GLCCI1: variants seen among roughly 807,000 people sequenced by gnomAD.
GLCCI1 encodes the protein glucocorticoid-induced transcript 1 protein.
Under a neutral mutation model 52.2 loss-of-function variants are expected in GLCCI1, and 24 were observed. The ratio of observed to expected loss-of-function variants is 0.46; its 90% CI spans 0.33 to 0.65. The LOEUF is 0.65. GLCCI1 is among the 30% of genes least tolerant of loss of function. The probability of loss-of-function intolerance (pLI) is 0.02; values close to 1 mark genes in which losing one functional copy is unlikely to be tolerated. For synonymous variants in GLCCI1, 310 were observed against 276.5 expected, an observed-to-expected ratio of 1.12 and a Z score of -1.20; for missense variants, 704 against 701.5, an observed-to-expected ratio of 1.00 and a Z score of -0.04.
intron 1 of GLCCI1, among the ~76,000 whole-genome samples, chr7:7,984,413 T>TC (rs1242131859): frequency 3.9e-5 from 6 of 152,182 alleles, no homozygotes; most frequent in Non-Finnish European, 5.9e-5. Context: ...GGTGGGCTCT[T>TC]CAAGTTAAAA....
chr7:8,085,692 C>T (rs1262488311), intron 7 of GLCCI1, among the ~76,000 whole-genome samples: 4 of 151,990 alleles, frequency 2.6e-5, no homozygotes, highest in Non-Finnish European at 5.9e-5. Context: ...GGCTTGTGGA[C>T]CCAACCTCTG....
At chr7:7,997,753 C>T (rs1780962771) in intron 1 of GLCCI1, among the ~76,000 whole-genome samples, 1 of 151,942 alleles carries the variant, frequency 6.6e-6, no homozygotes, top group Non-Finnish European at 1.5e-5. Context: ...CATAGTGAAA[C>T]CCTGTCTCTA....
chr7:8,033,165 A>C (rs969711978), intron 3 of GLCCI1, among the ~76,000 whole-genome samples: 2 of 152,130 alleles, frequency 1.3e-5, no homozygotes, highest in African/African-American at 4.8e-5. Context: ...ATAATCACCT[A>C]AGTAGAGTCA....
At chr7:8,070,381 T>A (rs770445368) in intron 5 of GLCCI1, 1 of 152,702 alleles carries the variant, frequency 6.5e-6, no homozygotes, top group Non-Finnish European at 1.5e-5. Context: ...TGAGTACTAA[T>A]AGAATAAACC....
intron 5 of GLCCI1, 80 bp downstream of exon 5, chr7:8,060,328 TTTG>T: frequency 2.7e-6 from 3 of 1,101,656 alleles, no homozygotes; most frequent in Non-Finnish European, 4.0e-6. Flanking sequence ...TGGTAACAGC[TTTG>T]TTAAGATATA....
At chr7:8,038,621 C>T (rs1781923256) in intron 3 of GLCCI1, among the ~76,000 whole-genome samples, 1 of 152,130 alleles carries the variant, frequency 6.6e-6, no homozygotes, top group African/African-American at 2.4e-5. Flanking sequence ...GGATTAGAGA[C>T]TTAAATGTAA....
intron 3 of GLCCI1, among the ~76,000 whole-genome samples, chr7:8,049,023 A>C (rs1390261101): frequency 6.6e-6 from 1 of 152,214 alleles, no homozygotes; most frequent in Non-Finnish European, 1.5e-5. Context: ...ACAAAAATTG[A>C]AAAAGATAGA....
At chr7:8,042,580 A>C (rs1775247534) in intron 3 of GLCCI1, among the ~76,000 whole-genome samples, 1 of 152,232 alleles carries the variant, frequency 6.6e-6, no homozygotes, top group South Asian at 2.1e-4. Context: ...TGAGGCTGAG[A>C]TCACTTAAGC....
intron 1 of GLCCI1, among the ~76,000 whole-genome samples, chr7:7,983,684 C>T (rs1445471039): frequency 6.6e-6 from 1 of 152,042 alleles, no homozygotes; most frequent in Non-Finnish European, 1.5e-5. Flanking sequence ...GATTTGAACC[C>T]AGCTACATGA....
chr7:8,078,144 G>A (rs1224832077), intron 6 of GLCCI1, among the ~76,000 whole-genome samples: 2 of 137,978 alleles, frequency 1.4e-5, no homozygotes, highest in Admixed American at 7.9e-5. Flanking sequence ...TGAGGCAGGA[G>A]AATGGCATGA....
intron 1 of GLCCI1, among the ~76,000 whole-genome samples, chr7:7,970,154 A>G (rs1249211099): frequency 6.6e-6 from 1 of 152,208 alleles, no homozygotes; most frequent in Non-Finnish European, 1.5e-5. Flanking sequence ...ACTCTTCAGC[A>G]GCGGATAAGG....
At chr7:8,026,060 G>T (rs1328934427) in intron 3 of GLCCI1, among the ~76,000 whole-genome samples, 1 of 152,134 alleles carries the variant, frequency 6.6e-6, no homozygotes, top group Non-Finnish European at 1.5e-5. Context: ...AAATATAAAG[G>T]AGTTTTCAAC....
intron 3 of GLCCI1, among the ~76,000 whole-genome samples, chr7:8,033,574 C>G (rs1484249710): frequency 1.3e-5 from 2 of 151,838 alleles, no homozygotes; most frequent in African/African-American, 2.4e-5. Context: ...GATCAACATA[C>G]AGAGATCAAT....
intron 3 of GLCCI1, among the ~76,000 whole-genome samples, chr7:8,025,715 A>C (rs1219223467): frequency 6.6e-6 from 1 of 152,218 alleles, no homozygotes; most frequent in African/African-American, 2.4e-5. Context: ...AAAAAGAAGA[A>C]AATGGGTCAT....
intron 1 of GLCCI1, chr7:7,970,348 A>G (rs1383939815): frequency 6.6e-6 from 1 of 151,942 alleles, no homozygotes; most frequent in Non-Finnish European, 1.5e-5. Flanking sequence ...TGAAGTGTAT[A>G]CGGTTTTTTC....
At chr7:8,060,003 C>A (rs1353891349) in intron 4 of GLCCI1, 93 bp from the exon 5 acceptor site, 3 of 1,056,576 alleles carry the variant, frequency 2.8e-6, no homozygotes, top group African/African-American at 1.6e-5. Flanking sequence ...TAACTCCGTT[C>A]ATTGAGTTTC....
Position 8,004,757 on chromosome 7 carries a change from T to C in GLCCI1, c.609+698T>C, listed in dbSNP as rs140987387. On this transcript the variant is annotated intron_variant, in intron 2 of 7. Coordinates refer to ENST00000223145, the MANE Select transcript of GLCCI1 (RefSeq NM_138426.4). ...TAGATGAGATACACATTTATAAAAA[T>C]TGGTAAAAGAAGACAGTGTATAATT... 1.1e-3 allele frequency among the ~76,000 whole-genome samples: 170 copies of C among 152,280 alleles called. 1 individual carries two copies. Among genetic ancestry groups the C allele is most frequent in the African/African-American group, 3.8e-3 (157 of 41,566 alleles).
intron 6 of GLCCI1, among the ~76,000 whole-genome samples, chr7:8,074,831 T>C (rs908523976): frequency 6.6e-6 from 1 of 152,164 alleles, no homozygotes; most frequent in South Asian, 2.1e-4. Flanking sequence ...TTATATAATT[T>C]TGAAGTCAAC....
At chr7:7,983,554 A>G (rs751867033) in intron 1 of GLCCI1, among the ~76,000 whole-genome samples, 1 of 152,184 alleles carries the variant, frequency 6.6e-6, no homozygotes, top group African/African-American at 2.4e-5. Context: ...CATTTTTAGT[A>G]TTCCAGCATC....
Sources: allele counts gnomAD v4.1 joint callset (sites outside exome capture counted in the v4.1 genomes callset), GRCh38; gene constraint gnomAD v4.1.1; transcripts MANE v1.5; gene names NCBI Gene and HGNC (gene_info 2026-07-23, HGNC 2026-07-21).